The following VPS41 variants were observed in gnomAD, a reference collection of about 807,000 sequenced individuals.
The protein encoded by VPS41 is VPS41 subunit of HOPS complex.
Under a neutral mutation model 130.9 loss-of-function variants are expected in VPS41, and 85 were observed. The ratio of observed to expected loss-of-function variants is 0.65; its 90% CI spans 0.55 to 0.78. The LOEUF (loss-of-function observed/expected upper bound fraction) is 0.78, where lower values mean the gene tolerates loss of function less well. Ranked by LOEUF, VPS41 falls within the 30% of genes least tolerant of loss-of-function variation. The pLI is 0.00. For synonymous variants in VPS41, 335 were observed against 332.9 expected (o/e 1.01, Z -0.07); for missense variants, 874 against 1,018.7 (o/e 0.86, Z 1.93).
At chr7:38,827,410 AAGG>A (rs1030933559) in intron 5 of VPS41, among the ~76,000 whole-genome samples, 1 of 152,238 alleles carries the variant, frequency 6.6e-6, no homozygotes, top group African/African-American at 2.4e-5. Flanking sequence ...GTATTGCCAA[AAGG>A]AGGAGAAGGG....
intron 5 of VPS41, among the ~76,000 whole-genome samples, chr7:38,824,072 G>T (rs921151100): frequency 2.6e-5 from 4 of 152,176 alleles, no homozygotes; most frequent in Non-Finnish European, 4.4e-5. Flanking sequence ...TCTTAATGGA[G>T]TGAATCAACA....
chr7:38,837,939 AAAC>A (rs1227913001), intron 4 of VPS41, among the ~76,000 whole-genome samples: 6 of 152,220 alleles, frequency 3.9e-5, no homozygotes, highest in African/African-American at 7.2e-5. Flanking sequence ...ATTAATCTAA[AAAC>A]AAAAAGAAAC....
Position 38,756,990 on chromosome 7 carries a change from T to C in VPS41, c.1551-8A>G, listed in dbSNP as rs1168908339. 9.5e-6 allele frequency: 15 copies of C among 1,576,730 alleles called. No homozygotes were observed. The highest frequency in any genetic ancestry group is 1.3e-5 in the African/African-American group (1 of 74,180). On this transcript the variant is annotated splice_region_variant and splice_polypyrimidine_tract_variant and intron_variant, in intron 18 of 28. Coordinates refer to ENST00000310301, the MANE Select transcript of VPS41 (RefSeq NM_014396.4). The stretch of plus-strand genomic sequence containing the variant: ...TTCTTGTCATAGGTGTACCTGGTAA[T>C]ACAAATTTTTTACATTAATATTCAT...
chr7:38,771,299 A>C (rs1318664908), intron 13 of VPS41, 45 bp from the exon 14 acceptor site: 1 of 1,392,740 alleles, frequency 7.2e-7, no homozygotes, highest in Admixed American at 1.9e-5. Flanking sequence ...AAAAAAGCAG[A>C]AAAGGAGGGA....
intron 22 of VPS41, chr7:38,745,823 A>G (rs1795975196): frequency 5.9e-6 from 3 of 510,334 alleles, no homozygotes. Context: ...AATTTAAAAC[A>G]TATTTGAAGC....
intron 1 of VPS41, among the ~76,000 whole-genome samples, chr7:38,904,216 T>A (rs1023471695): frequency 6.6e-6 from 1 of 152,214 alleles, no homozygotes; most frequent in Non-Finnish European, 1.5e-5. Flanking sequence ...CCTGATCTGA[T>A]GAGTGTCCTC....
chr7:38,808,222 A>G (rs558698078), intron 7 of VPS41, among the ~76,000 whole-genome samples: 1 of 152,198 alleles, frequency 6.6e-6, no homozygotes, highest in East Asian at 1.9e-4. Context: ...AATGAAGAAC[A>G]CCTGTTTTTC....
At chr7:38,772,659 A>C in intron 12 of VPS41, 22 bp from the exon 13 acceptor site, 1 of 1,551,984 alleles carries the variant, frequency 6.4e-7, no homozygotes, top group Non-Finnish European at 8.9e-7. Context: ...AAAAGAGAGG[A>C]ACGACTTGGT....
chr7:38,826,256 T>A (rs1584414554), intron 5 of VPS41, among the ~76,000 whole-genome samples: 1 of 152,132 alleles, frequency 6.6e-6, no homozygotes, highest in Non-Finnish European at 1.5e-5. Context: ...CAAGGGCAAG[T>A]TAGACATTGA....
Position 38,724,526 on chromosome 7 carries a change from A to T in VPS41, c.*1720T>A, listed in dbSNP as rs1223742394. On this transcript the variant is annotated 3_prime_UTR_variant, in exon 29 of 29. Transcript: ENST00000310301. ...CAAAAAAATCTGTTGTTTGCTAGAG[A>T]ATTCTTAACTCTAATGTGAAGATAT... The T allele has an allele frequency of 1.3e-5, 2 of 152,238 alleles. No homozygotes were observed. Among genetic ancestry groups the T allele is most frequent in the Admixed American group, 6.5e-5 (1 of 15,288 alleles). The allele number at this position is 152,238 out of a possible 1,614,324, so 9.4% of individuals were successfully genotyped here. A position where few individuals can be genotyped will look rare whatever the true frequency, so the allele number is the denominator to read the frequency against.
chr7:38,880,210 A>T (rs1786575876), intron 2 of VPS41, among the ~76,000 whole-genome samples: 1 of 152,172 alleles, frequency 6.6e-6, no homozygotes, highest in South Asian at 2.1e-4. Context: ...CCAACTTCAC[A>T]CTGCAGAACT....
intron 1 of VPS41, among the ~76,000 whole-genome samples, chr7:38,908,829 C>T (rs1165839126): frequency 6.6e-6 from 1 of 152,222 alleles, no homozygotes; most frequent in Non-Finnish European, 1.5e-5. Flanking sequence ...CTCTCTTCCT[C>T]CTCCCACAGG....
chr7:38,752,234 T>C lies in VPS41; in HGVS notation c.1868A>G (p.Tyr623Cys), dbSNP rs1442316762. Reference protein sequence around the residue: ...HEKQISLYAEYDRPNLLPFLR... With the variant: ...HEKQISLYAECDRPNLLPFLR... ...AAAGGGAAGTAAGTTTGGTCGATCA[T>C]ATTCAGCATAAAGACTGATCTGTTT... The change falls in exon 22 of 29, where the codon TAT becomes TGT. Residue 623 changes from tyrosine to cysteine, a missense_variant. Tyr to Cys is a radical substitution (Grantham distance 194, BLOSUM62 -2). Coordinates refer to ENST00000310301, the MANE Select transcript of VPS41 (RefSeq NM_014396.4). 2.5e-6 allele frequency: 4 copies of C among 1,613,922 alleles called. No individual in the cohort carries two copies. The highest frequency in any genetic ancestry group is 1.7e-5 in the Admixed American group (1 of 59,996).
chr7:38,859,714 G>A (rs1443532350), intron 4 of VPS41, among the ~76,000 whole-genome samples: 9 of 152,100 alleles, frequency 5.9e-5, no homozygotes, highest in Admixed American at 3.9e-4. Context: ...ATTGCCTAAC[G>A]CCACATTTCT....
intron 4 of VPS41, among the ~76,000 whole-genome samples, chr7:38,861,871 A>G (rs1786121868): frequency 1.3e-5 from 2 of 152,212 alleles, no homozygotes; most frequent in Admixed American, 1.3e-4. Context: ...ATTAAAAAAG[A>G]AAGCCTGGTT....
chr7:38,897,367 C>T (rs950879806), intron 2 of VPS41, among the ~76,000 whole-genome samples: 8 of 151,778 alleles, frequency 5.3e-5, no homozygotes, highest in Admixed American at 3.9e-4. Context: ...AACTCCAGGC[C>T]GGGCGCGGTG....
chr7:38,752,948 A>G (rs1783709631), intron 21 of VPS41, among the ~76,000 whole-genome samples: 1 of 152,184 alleles, frequency 6.6e-6, no homozygotes, highest in Non-Finnish European at 1.5e-5. Context: ...GTAAAAATCA[A>G]GAAGAATGCA....
At chr7:38,772,931 A>G (rs1784183246) in intron 12 of VPS41, among the ~76,000 whole-genome samples, 1 of 152,222 alleles carries the variant, frequency 6.6e-6, no homozygotes, top group Non-Finnish European at 1.5e-5. Context: ...ACTTGAAAAA[A>G]AAATAAGGTG....
intron 2 of VPS41, among the ~76,000 whole-genome samples, chr7:38,870,853 T>C (rs1786342701): frequency 6.6e-6 from 1 of 151,286 alleles, no homozygotes; most frequent in Admixed American, 6.6e-5. Context: ...AAATGAAATT[T>C]TTTACACTGA....
Sources: gnomAD v4.1 joint callset for allele counts (sites outside exome capture counted in the v4.1 genomes callset) on GRCh38, gnomAD v4.1.1 for gene constraint, MANE v1.5 for transcripts, NCBI Gene and HGNC (gene_info 2026-07-23, HGNC 2026-07-21) for gene names.